Variants in SHISA6 observed in about 807,000 individuals in gnomAD.
SHISA6 encodes shisa family member 6.
A neutral mutation model predicts 47.9 loss-of-function variants in SHISA6; 22 were observed. The ratio of observed to expected loss-of-function variants is 0.46; its 90% CI spans 0.33 to 0.66. SHISA6 has a LOEUF of 0.66. Among genes scored for constraint, SHISA6 ranks in the 30% least tolerant of loss-of-function variants. SHISA6 has a pLI of 0.02. For missense variants in SHISA6, 680 were observed against 764.6 expected (o/e 0.89, Z 1.30); for synonymous variants, 388 against 337.8 (o/e 1.15, Z -1.63).
intron 3 of SHISA6, among the ~76,000 whole-genome samples, chr17:11,405,068 C>T (rs1260274245): frequency 4.6e-5 from 7 of 152,102 alleles, no homozygotes; most frequent in African/African-American, 1.7e-4. Flanking sequence ...GCAAATCTGA[C>T]TCAGCAAAAC....
chr17:11,303,251 G>C (rs538004332), intron 2 of SHISA6, among the ~76,000 whole-genome samples: 1 of 151,748 alleles, frequency 6.6e-6, no homozygotes, highest in Non-Finnish European at 1.5e-5. Flanking sequence ...GAGTGTGGTT[G>C]TGTGATTGTG....
chr17:11,399,788 T>C (rs76117168), intron 3 of SHISA6, among the ~76,000 whole-genome samples: 69 of 152,234 alleles, frequency 4.5e-4, no homozygotes, highest in Non-Finnish European at 7.5e-4. Flanking sequence ...TATGGAAATG[T>C]TGAGCCATGC....
At chr17:11,444,054 C>T (rs1024923032) in intron 3 of SHISA6, among the ~76,000 whole-genome samples, 1 of 152,066 alleles carries the variant, frequency 6.6e-6, no homozygotes, top group Non-Finnish European at 1.5e-5. Context: ...TGCGGTGGCT[C>T]ACACCTGTAA....
intron 2 of SHISA6, among the ~76,000 whole-genome samples, chr17:11,272,345 G>T (rs1055068825): frequency 9.9e-5 from 15 of 152,132 alleles, no homozygotes; most frequent in Admixed American, 2.6e-4. Flanking sequence ...CCAGGCTCCC[G>T]CGTGGCTCTC....
chr17:11,325,750 T>A (rs1910861675), intron 2 of SHISA6, among the ~76,000 whole-genome samples: 1 of 151,900 alleles, frequency 6.6e-6, no homozygotes, highest in African/African-American at 2.4e-5. Context: ...GTAGCTAAAC[T>A]GGGAAAAATT....
At chr17:11,271,906 C>T (rs1343275034) in intron 2 of SHISA6, among the ~76,000 whole-genome samples, 1 of 152,140 alleles carries the variant, frequency 6.6e-6, no homozygotes, top group Admixed American at 6.5e-5. Flanking sequence ...CAGCTCTGCT[C>T]CTCCAGCCTG....
chr17:11,561,504 G>A lies in SHISA6; in HGVS notation c.*3200G>A, dbSNP rs1378469140. 6.6e-6 allele frequency: 1 copy of A among 152,374 alleles called. No homozygotes were observed. The highest frequency in any genetic ancestry group is 1.5e-5 in the Non-Finnish European group (1 of 68,232). The allele number at this position is 152,374 out of a possible 1,614,324, so 9.4% of individuals were successfully genotyped here. A position where few individuals can be genotyped will look rare whatever the true frequency, so the allele number is the denominator to read the frequency against. On this transcript the variant is annotated 3_prime_UTR_variant, in exon 6 of 6. Coordinates refer to ENST00000441885, the MANE Select transcript of SHISA6 (RefSeq NM_207386.4). ...CAAGAATTACTTCACCTCCTAACCA[G>A]GCTTCTGCCCTCAGGGCTCCCCCAG...
chr17:11,502,948 C>A (rs551591064), intron 3 of SHISA6, among the ~76,000 whole-genome samples: 2 of 152,038 alleles, frequency 1.3e-5, no homozygotes, highest in Non-Finnish European at 2.9e-5. Flanking sequence ...ATTTCAGGGT[C>A]GGGTCTTTGG....
At chr17:11,525,658 A>AC (rs2071671911) in intron 3 of SHISA6, among the ~76,000 whole-genome samples, 6 of 131,718 alleles carry the variant, frequency 4.6e-5, no homozygotes, top group Non-Finnish European at 8.6e-5. Context: ...AAAACAAAAA[A>AC]AAAAAAACGT....
At chr17:11,527,307 T>C (rs889648485) in intron 3 of SHISA6, among the ~76,000 whole-genome samples, 4 of 152,112 alleles carry the variant, frequency 2.6e-5, no homozygotes, top group Admixed American at 6.6e-5. Flanking sequence ...ATGATGGGAG[T>C]TTCCTTGAAC....
intron 3 of SHISA6, among the ~76,000 whole-genome samples, chr17:11,462,356 C>T (rs1915713587): frequency 6.6e-6 from 1 of 152,162 alleles, no homozygotes; most frequent in Non-Finnish European, 1.5e-5. Flanking sequence ...TGTTCAAAGA[C>T]CACAGATTCT....
chr17:11,287,285 GA>G (rs772869672), intron 2 of SHISA6, among the ~76,000 whole-genome samples: 3 of 145,936 alleles, frequency 2.1e-5, no homozygotes, highest in African/African-American at 5.4e-5. Context: ...AGGAAGGAAG[GA>G]AAGGAAGGAA....
intron 3 of SHISA6, among the ~76,000 whole-genome samples, chr17:11,472,936 A>T (rs1440227465): frequency 6.6e-6 from 1 of 152,128 alleles, no homozygotes; most frequent in South Asian, 2.1e-4. Context: ...TTATGTGGTT[A>T]TTTGCCAGCT....
At chr17:11,556,768 G>A (rs117543269) in intron 5 of SHISA6, among the ~76,000 whole-genome samples, 48 of 152,210 alleles carry the variant, frequency 3.2e-4, no homozygotes, top group Admixed American at 2.2e-3. Flanking sequence ...ACCCATCAAC[G>A]ACCCCGCTGC....
chr17:11,408,391 G>A (rs1445688813), intron 3 of SHISA6, among the ~76,000 whole-genome samples: 1 of 152,166 alleles, frequency 6.6e-6, no homozygotes, highest in Non-Finnish European at 1.5e-5. Flanking sequence ...AGCTCTGGGG[G>A]TGGGATCAGC....
At chr17:11,469,994 G>A (rs1156413740) in intron 3 of SHISA6, among the ~76,000 whole-genome samples, 1 of 152,166 alleles carries the variant, frequency 6.6e-6, no homozygotes, top group Non-Finnish European at 1.5e-5. Context: ...GAGAAGAAGA[G>A]ACACCAGAGG....
chr17:11,300,715 C>A (rs962951786), intron 2 of SHISA6, among the ~76,000 whole-genome samples: 4 of 147,196 alleles, frequency 2.7e-5, no homozygotes, highest in East Asian at 2.0e-4. Flanking sequence ...TTAAATATTA[C>A]CCCTTCATAA....
intron 2 of SHISA6, among the ~76,000 whole-genome samples, chr17:11,355,585 G>C (rs1912053445): frequency 6.6e-6 from 1 of 152,180 alleles, no homozygotes; most frequent in African/African-American, 2.4e-5. Context: ...CTCAAGCCAT[G>C]GCAGAACAAA....
chr17:11,443,233 T>A (rs902314028), intron 3 of SHISA6, among the ~76,000 whole-genome samples: 1 of 152,168 alleles, frequency 6.6e-6, no homozygotes. Context: ...AGTCAAAGGC[T>A]GCACATCTCA....
Sources: allele counts gnomAD v4.1 joint callset (sites outside exome capture counted in the v4.1 genomes callset), GRCh38; gene constraint gnomAD v4.1.1; transcripts MANE v1.5; gene names NCBI Gene and HGNC (gene_info 2026-07-23, HGNC 2026-07-21).